The following ADAM2 variants were observed in gnomAD, a reference collection of about 807,000 sequenced individuals.
ADAM2 encodes the protein ADAM metallopeptidase domain 2, also known as disintegrin and metalloproteinase domain-containing protein 2.
Under a neutral mutation model 99.3 loss-of-function variants are expected in ADAM2, and 101 were observed. The ratio of observed to expected loss-of-function variants is 1.02; its 90% CI spans 0.87 to 1.20. The LOEUF (loss-of-function observed/expected upper bound fraction) is 1.20. Among genes scored for constraint, ADAM2 ranks in the 50% most tolerant of loss-of-function variants. The pLI, the probability that ADAM2 is intolerant of heterozygous loss-of-function variation, is 0.00. For synonymous variants in ADAM2, 323 were observed against 287.6 expected (o/e 1.12, Z -1.25); for missense variants, 948 against 878.7 (o/e 1.08, Z -1.00).
chr8:39,749,568 T>C, intron 17 of ADAM2, 99 bp downstream of exon 17: 6 of 1,266,674 alleles, frequency 4.7e-6, no homozygotes, highest in African/African-American at 1.8e-5. Context: ...TGTTTTGGTG[T>C]GTGTGTGTGT....
chr8:39,797,840 T>C (rs574782856), intron 7 of ADAM2, among the ~76,000 whole-genome samples: 1 of 152,322 alleles, frequency 6.6e-6, no homozygotes, highest in African/African-American at 2.4e-5. Context: ...TGACTCTCTG[T>C]TTGCCTATTG....
chr8:39,767,397 A>G (rs1453726884), intron 12 of ADAM2, 146 bp from the exon 13 acceptor site: 3 of 708,776 alleles, frequency 4.2e-6, no homozygotes, highest in Non-Finnish European at 7.1e-6. Context: ...CCACTTATTC[A>G]TTTACTTAAC....
intron 3 of ADAM2, among the ~76,000 whole-genome samples, chr8:39,832,617 C>T (rs557489385): frequency 2.0e-5 from 3 of 152,126 alleles, no homozygotes; most frequent in African/African-American, 4.8e-5. Context: ...TTTACAATAA[C>T]GTTTTGAATG....
At chr8:39,824,274 C>CAAAAAA (rs201545294) in intron 4 of ADAM2, among the ~76,000 whole-genome samples, 4 of 83,494 alleles carry the variant, frequency 4.8e-5, no homozygotes, top group Non-Finnish European at 5.1e-5. Context: ...AACTCTATCT[C>CAAAAAA]AAAAAAAAAA....
chr8:39,814,928 T>C (rs538485084), intron 6 of ADAM2, among the ~76,000 whole-genome samples: 1 of 151,684 alleles, frequency 6.6e-6, no homozygotes, highest in Admixed American at 6.6e-5. Context: ...AAAATGTGAA[T>C]GTATAAGGAA....
chr8:39,827,044 T>G (rs1351758774), intron 3 of ADAM2, among the ~76,000 whole-genome samples: 2 of 148,362 alleles, frequency 1.3e-5, no homozygotes, highest in African/African-American at 4.9e-5. Context: ...TACAAACAAC[T>G]CAGAAAAAAA....
rs147420926 is a variant in ADAM2, at chr8:39,757,698, T to C, written c.1614-1787A>G. Among the ~76,000 whole-genome samples, 153 of 152,328 alleles carry C rather than the reference T, an allele frequency of 1.0e-3. 1 individual carries two copies. Among genetic ancestry groups the C allele is most frequent in the African/African-American group, 3.6e-3 (150 of 41,564 alleles). ...CCTGCTCAGAGACAGGTTTGCTTTATAGTTTGAGTCCAGCTATGTTAAATC... is the reference window on the plus strand; with the variant it reads ...CCTGCTCAGAGACAGGTTTGCTTTACAGTTTGAGTCCAGCTATGTTAAATC... On this transcript the variant is annotated intron_variant, in intron 15 of 20. Coordinates refer to ENST00000265708, the MANE Select transcript of ADAM2 (RefSeq NM_001464.5).
intron 10 of ADAM2, among the ~76,000 whole-genome samples, chr8:39,780,034 G>A (rs998238189): frequency 1.3e-5 from 2 of 152,074 alleles, no homozygotes; most frequent in Non-Finnish European, 2.9e-5. Context: ...CCAAGACTGG[G>A]TAATTTATAA....
At chr8:39,751,839 CTT>C (rs1031449393) in intron 16 of ADAM2, among the ~76,000 whole-genome samples, 2 of 146,130 alleles carry the variant, frequency 1.4e-5, no homozygotes, top group Non-Finnish European at 1.5e-5. Context: ...TGTACATACT[CTT>C]TTTTTTTTTG....
chr8:39,781,292 C>T (rs1051357211), intron 10 of ADAM2, among the ~76,000 whole-genome samples: 1 of 151,944 alleles, frequency 6.6e-6, no homozygotes, highest in African/African-American at 2.4e-5. Flanking sequence ...TGTGTGTGCG[C>T]ATGTGTGTGT....
chr8:39,810,261 A>G (rs10097557), intron 6 of ADAM2, among the ~76,000 whole-genome samples: 15,356 of 152,296 alleles, frequency 0.1, 836 homozygotes, highest in African/African-American at 0.13. Context: ...TGAGCCAAAT[A>G]CAGGAGCACC....
Position 39,761,256 on chromosome 8 carries a change from A to G in ADAM2, c.1533T>C (p.Cys511=). ...CAGTCTTTGAATTAAGGTGAGAATA[A>G]CATTCTGAAGGGCCAAACTCTACTT... ...GKEVEFGPSE[C]YSHLNSKTDV... Residue 511 remains cysteine (C), a synonymous_variant, in exon 15 of 21, where the codon TGT becomes TGC. Transcript: ENST00000265708. 1 of 1,603,900 alleles carries G rather than the reference A, an allele frequency of 6.2e-7. No homozygotes were observed. The highest frequency in any genetic ancestry group is 1.1e-5 in the South Asian group (1 of 89,108).
Position 39,746,486 on chromosome 8 carries a change from G to T in ADAM2, c.2160C>A (p.Asp720Glu), listed in dbSNP as rs201873453. The change falls in exon 19 of 21, where the codon GAC becomes GAA. Residue 720 changes from aspartate (D) to glutamate (E), a missense_variant. Transcript: ENST00000265708. ...NFQRKKWRTE[D>E]YSSDEQPESE... Reference sequence around the variant, plus strand: ...AATCAATATACTCATCGCTTGAATAGTCCTCAGTTCTCCATTTTTTCCTTT... The same window carrying T: ...AATCAATATACTCATCGCTTGAATATTCCTCAGTTCTCCATTTTTTCCTTT... 2.5e-6 allele frequency: 4 copies of T among 1,585,716 alleles called. No individual in the cohort carries two copies. The African/African-American group carries it at 5.5e-5, about 22-fold the overall frequency.
intron 4 of ADAM2, 40 bp from the exon 5 acceptor site, chr8:39,821,702 G>C (rs761961242): frequency 4.4e-6 from 6 of 1,350,548 alleles, no homozygotes; most frequent in Non-Finnish European, 6.3e-6. Context: ...AGAATGGTTT[G>C]TGTTACAGAT....
chr8:39,811,679 C>A (rs1804701611), intron 6 of ADAM2, among the ~76,000 whole-genome samples: 1 of 152,170 alleles, frequency 6.6e-6, no homozygotes, highest in African/African-American at 2.4e-5. Flanking sequence ...ACAAAAACCA[C>A]ATGATTATCT....
intron 3 of ADAM2, among the ~76,000 whole-genome samples, 183 bp from the exon 4 acceptor site, chr8:39,825,080 T>TGTTA (rs1283541695): frequency 6.6e-6 from 1 of 152,208 alleles, no homozygotes; most frequent in East Asian, 1.9e-4. Flanking sequence ...CTCACTCTAT[T>TGTTA]GTTACTCTGT....
chr8:39,767,078 A>G (rs774004037), intron 13 of ADAM2, 35 bp from the exon 14 acceptor site: 2 of 1,603,726 alleles, frequency 1.2e-6, no homozygotes, highest in Admixed American at 1.7e-5. Context: ...TGAATTAAGC[A>G]GAATGAGAAT....
At chr8:39,809,033 C>A (rs183586209) in intron 7 of ADAM2, among the ~76,000 whole-genome samples, 1 of 152,166 alleles carries the variant, frequency 6.6e-6, no homozygotes, top group Non-Finnish European at 1.5e-5. Flanking sequence ...CCAGTATAAG[C>A]CATTATTTTC....
Position 39,749,701 on chromosome 8 carries a change from T to C in ADAM2, c.1841A>G (p.Tyr614Cys). Residue 614 changes from tyrosine to cysteine, a missense_variant, in exon 17 of 21, where the codon TAT becomes TGT. Coordinates refer to ENST00000265708, the MANE Select transcript of ADAM2 (RefSeq NM_001464.5). Reference protein sequence around the residue: ...QRCVSSSYLGYDCTTDKCNDR... With the variant: ...QRCVSSSYLGCDCTTDKCNDR... ...ATTGCATTTGTCAGTAGTACAATCA[T>C]AACCCAAGTATGAAGAACTCACACA... 1.9e-6 allele frequency: 3 copies of C among 1,612,460 alleles called. No homozygotes were observed. The highest frequency in any genetic ancestry group is 2.5e-6 in the Non-Finnish European group (3 of 1,178,916).
Sources: allele counts gnomAD v4.1 joint callset (sites outside exome capture counted in the v4.1 genomes callset), GRCh38; gene constraint gnomAD v4.1.1; transcripts MANE v1.5; gene names NCBI Gene and HGNC (gene_info 2026-07-23, HGNC 2026-07-21).